The following MAU2 variants were observed in gnomAD, a reference collection of about 807,000 sequenced individuals.
MAU2 encodes the protein MAU2 chromatid cohesion factor homolog.
In MAU2, 9 loss-of-function variants were observed where a neutral mutation model predicts 89.1. That is an observed-to-expected ratio of 0.10 (90% confidence interval 0.06 to 0.18). The LOEUF (loss-of-function observed/expected upper bound fraction) is 0.18, where lower values mean the gene tolerates loss of function less well. MAU2 is among the 10% of genes least tolerant of loss of function. The pLI, the probability that MAU2 is intolerant of heterozygous loss-of-function variation, is 1.00. For synonymous variants in MAU2, 357 were observed against 343.4 expected, an observed-to-expected ratio of 1.04 and a Z score of -0.44; for missense variants, 425 against 803.5, an observed-to-expected ratio of 0.53 and a Z score of 5.69.
intron 9 of MAU2, 80 bp downstream of exon 9, chr19:19,342,946 C>G (rs1183768076): frequency 6.9e-7 from 1 of 1,459,268 alleles, no homozygotes; most frequent in Non-Finnish European, 9.5e-7. Flanking sequence ...TGTACCAGGG[C>G]CCAGTGACCC....
At position 19,356,153 on chromosome 19, in the gene MAU2, G is replaced by A. The variant is rs559311384; in HGVS notation, c.*371G>A. The A allele has an allele frequency of 3.0e-5, 13 of 439,696 alleles. No individual in the cohort carries two copies. Among genetic ancestry groups the A allele is most frequent in the Admixed American group, 1.3e-4 (5 of 39,166 alleles). 27.2% of individuals were successfully genotyped at this position (439,696 alleles called of 1,614,324 possible). A position where few individuals can be genotyped will look rare whatever the true frequency, so the allele number is the denominator to read the frequency against. On this transcript the variant is annotated 3_prime_UTR_variant, in exon 19 of 19. Transcript: ENST00000262815. ...GCAGGCAGTGCCCCAGGGGCACCAC[G>A]CCTGACTCTCCATCACCCAGGCCTT...
Position 19,320,883 on chromosome 19 carries a change from GGCCCAGGCGGCGGCGGCCCAGGCT to G in MAU2, c.27_50del (p.Ala12_Ala19del). The G allele has an allele frequency of 6.8e-7, 1 of 1,476,648 alleles. No individual in the cohort carries two copies. The allele number at this position is 1,476,648 out of a possible 1,614,324, so 91.5% of individuals were successfully genotyped here. Reference sequence around the variant, plus strand: ...AAATGGCGGCTCAGGCGGCGGCAGCGGCCCAGGCGGCGGCGGCCCAGGCTGCGCAGGCCGAGGCGGCCGACTCGT... The same window carrying G: ...AAATGGCGGCTCAGGCGGCGGCAGCGGCGCAGGCCGAGGCGGCCGACTCGT... On this transcript the variant is annotated inframe_deletion, in exon 1 of 19. Transcript: ENST00000262815.
intron 1 of MAU2, among the ~76,000 whole-genome samples, chr19:19,332,223 C>T (rs559268537): frequency 9.2e-5 from 14 of 151,770 alleles, no homozygotes; most frequent in Admixed American, 3.3e-4. Flanking sequence ...TGCAACAGCA[C>T]AATCATAGCT....
Position 19,355,953 on chromosome 19 carries a change from T to G in MAU2, c.*171T>G. On this transcript the variant is annotated 3_prime_UTR_variant, in exon 19 of 19. Coordinates refer to ENST00000262815, the MANE Select transcript of MAU2 (RefSeq NM_015329.4). ...GCCCTCCCAGGAGGGGTGGTAGCCG[T>G]TCCCACCTCGCAGCAGGACCCCCAG... 1.4e-6 allele frequency: 1 copy of G among 716,222 alleles called. No homozygotes were observed. Among genetic ancestry groups the G allele is most frequent in the Admixed American group, 2.0e-5 (1 of 49,660 alleles). 44.4% of individuals were successfully genotyped at this position (716,222 alleles called of 1,614,324 possible).
At chr19:19,336,324 A>C in intron 3 of MAU2, 137 bp downstream of exon 3, 2 of 636,076 alleles carry the variant, frequency 3.1e-6, no homozygotes, top group Non-Finnish European at 5.6e-6. Flanking sequence ...GTGGGAGGAC[A>C]GGGTCTCACT....
intron 1 of MAU2, chr19:19,321,902 G>C (rs2061461284): frequency 6.6e-6 from 1 of 152,166 alleles, no homozygotes; most frequent in South Asian, 2.1e-4. Context: ...TCTTCCGTCA[G>C]AGTGAGTCCC....
In MAU2 at chr19:19,355,302, G is replaced by C. The variant is rs748071509; in HGVS notation, c.1678G>C (p.Glu560Gln). ...CTGTGGGAACGCCATGGATGCCCAT[G>C]AAGCCGCCCAGATGCACCAGAACTT... ...KACGNAMDAHEAAQMHQNFSQ... is the reference protein window; with the variant it reads ...KACGNAMDAHQAAQMHQNFSQ... The change falls in exon 18 of 19, where the codon GAA becomes CAA. Residue 560 changes from glutamate to glutamine, a missense_variant. Glu to Gln is a conservative substitution (Grantham distance 29, BLOSUM62 2). Coordinates refer to ENST00000262815, the MANE Select transcript of MAU2 (RefSeq NM_015329.4). 1 of 1,614,134 alleles carries C rather than the reference G, an allele frequency of 6.2e-7. No homozygotes were observed. The highest frequency in any genetic ancestry group is 8.5e-7 in the Non-Finnish European group (1 of 1,179,998).
intron 2 of MAU2, 107 bp from the exon 3 acceptor site, chr19:19,336,015 G>A: frequency 1.2e-6 from 1 of 812,856 alleles, no homozygotes. Context: ...GGGCAGGCAG[G>A]GACGTGTGTG....
At chr19:19,342,715 G>GTGGTACCCA (rs1310511601) in intron 8 of MAU2, 34 bp downstream of exon 8, 12 of 1,613,220 alleles carry the variant, frequency 7.4e-6, no homozygotes, top group African/African-American at 1.3e-5. Context: ...CCAGGGCTGG[G>GTGGTACCCA]GGCGGGGGCA....
rs966169812 is a variant in MAU2, at chr19:19,321,215, T to C, written c.276+80T>C. 2.2e-6 allele frequency: 3 copies of C among 1,390,620 alleles called. No homozygotes were observed. The Admixed American group carries it at 9.2e-5, about 43-fold the overall frequency. The allele number at this position is 1,390,620 out of a possible 1,614,324, so 86.1% of individuals were successfully genotyped here. ...GCTGACGGGTCGCGACCGCGGCGGG[T>C]GGGGGGCCGCTCCTCGGCGACCTGG... is the stretch of plus-strand genomic sequence containing the variant. On this transcript the variant is annotated intron_variant, in intron 1 of 18. Transcript: ENST00000262815.
intron 16 of MAU2, among the ~76,000 whole-genome samples, chr19:19,351,268 G>C (rs919875963): frequency 4.6e-5 from 7 of 151,620 alleles, no homozygotes; most frequent in African/African-American, 1.7e-4. Context: ...GACTGGTCTT[G>C]AACTCCTGAG....
At chr19:19,340,234 G>A (rs544556328) in intron 5 of MAU2, among the ~76,000 whole-genome samples, 1 of 151,930 alleles carries the variant, frequency 6.6e-6, no homozygotes, top group Non-Finnish European at 1.5e-5. Flanking sequence ...TCAGGAGGCT[G>A]AGGCAGGAGA....
intron 4 of MAU2, 106 bp downstream of exon 4, chr19:19,337,371 C>A: frequency 3.5e-6 from 3 of 850,018 alleles, no homozygotes; most frequent in South Asian, 1.4e-5. Flanking sequence ...CGCAGACCCC[C>A]TCGGGCTGGC....
chr19:19,334,584 A>G, intron 1 of MAU2: 1 of 985,464 alleles, frequency 1.0e-6, no homozygotes, highest in Non-Finnish European at 1.2e-6. Context: ...GGATGGTCTG[A>G]AAACTCCCAT....
intron 1 of MAU2, chr19:19,329,141 T>TC: frequency 2.2e-6 from 1 of 455,896 alleles, no homozygotes; most frequent in Non-Finnish European, 4.4e-6. Flanking sequence ...GTTCTGAGCC[T>TC]CTCCTCATCA....
rs977854505 is a variant in MAU2, at chr19:19,357,801, T to C, written c.*2019T>C. 2 of 151,878 alleles carry C rather than the reference T, an allele frequency of 1.3e-5. No individual in the cohort carries two copies. Among genetic ancestry groups the C allele is most frequent in the African/African-American group, 4.8e-5 (2 of 41,378 alleles). 9.4% of individuals were successfully genotyped at this position (151,878 alleles called of 1,614,324 possible). ...CTTTATGGAAGCCAAATCATGTGCA[T>C]GTGTGTGTGTGCGTGTGTGCAAGCT... is the stretch of plus-strand genomic sequence containing the variant. On this transcript the variant is annotated 3_prime_UTR_variant, in exon 19 of 19. Transcript: ENST00000262815.
At chr19:19,348,674 G>A in intron 13 of MAU2, 1 of 659,124 alleles carries the variant, frequency 1.5e-6, no homozygotes, top group Admixed American at 2.2e-5. Context: ...CCTACTGCAG[G>A]ACAGGGTGGC....
intron 4 of MAU2, among the ~76,000 whole-genome samples, chr19:19,337,820 C>T (rs1340142917): frequency 6.6e-6 from 1 of 152,218 alleles, no homozygotes; most frequent in Non-Finnish European, 1.5e-5. Context: ...TCCCTTTGGC[C>T]CCCCCAGATA....
At chr19:19,325,999 A>ATTTTT (rs34191015) in intron 1 of MAU2, among the ~76,000 whole-genome samples, 35 of 117,218 alleles carry the variant, frequency 3.0e-4, no homozygotes, top group Non-Finnish European at 3.7e-4. Flanking sequence ...CCTCAACTGC[A>ATTTTT]TTTTTTTTTT....
Sources: allele counts gnomAD v4.1 joint callset (sites outside exome capture counted in the v4.1 genomes callset), GRCh38; gene constraint gnomAD v4.1.1; transcripts MANE v1.5; gene names NCBI Gene and HGNC (gene_info 2026-07-23, HGNC 2026-07-21).